Variants in KLHL13 observed in about 807,000 individuals in gnomAD.
KLHL13 encodes the protein kelch like family member 13.
KLHL13 carries 10 observed loss-of-function variants against 37.1 expected under a neutral mutation model. That is an observed-to-expected ratio of 0.27 (90% CI 0.17 to 0.46). The LOEUF (loss-of-function observed/expected upper bound fraction) is 0.46, where lower values mean the gene tolerates loss of function less well. Among genes scored for constraint, KLHL13 ranks in the 20% least tolerant of loss-of-function variants. KLHL13 has a pLI of 1.00. For missense variants in KLHL13, 360 were observed against 509.3 expected (o/e 0.71, Z 2.82); for synonymous variants, 163 against 181.2 (o/e 0.90, Z 0.81).
chrX:118,029,703 T>C (rs894938239), intron 1 of KLHL13, among the ~76,000 whole-genome samples: 8 of 112,344 alleles, frequency 7.1e-5, no homozygotes, highest in African/African-American at 2.6e-4. Context: ...GTGCAGTGGC[T>C]GATGCCTATA....
At chrX:118,083,966 G>C (rs2055026198) in intron 1 of KLHL13, among the ~76,000 whole-genome samples, 1 of 111,122 alleles carries the variant, frequency 9.0e-6, no homozygotes, top group Admixed American at 9.6e-5. Context: ...AGTACAAATG[G>C]AGAAATAATA....
intron 1 of KLHL13, among the ~76,000 whole-genome samples, chrX:118,048,737 G>A (rs1346369927): frequency 9.0e-6 from 1 of 111,189 alleles, no homozygotes; most frequent in Non-Finnish European, 1.9e-5. Context: ...AAAATATAAC[G>A]AGACAAGTAT....
At chrX:117,905,534 C>CACAG (rs1930454440) in intron 5 of KLHL13, among the ~76,000 whole-genome samples, 1 of 111,406 alleles carries the variant, frequency 9.0e-6, no homozygotes, top group African/African-American at 3.3e-5. Flanking sequence ...CACACACACA[C>CACAG]AGTCTTTTTT....
At chrX:117,979,952 G>A (rs916168791) in intron 1 of KLHL13, among the ~76,000 whole-genome samples, 2 of 111,988 alleles carry the variant, frequency 1.8e-5, no homozygotes, top group Non-Finnish European at 3.8e-5. Flanking sequence ...TAGCTTTTCT[G>A]ATTGAATCTG....
intron 1 of KLHL13, among the ~76,000 whole-genome samples, chrX:118,092,410 T>G (rs2079208429): frequency 9.0e-6 from 1 of 111,034 alleles, no homozygotes; most frequent in African/African-American, 3.3e-5. Context: ...ATTTTTCAAG[T>G]GCTGAAAGAT....
At chrX:118,072,496 A>C (rs1404518961) in intron 1 of KLHL13, among the ~76,000 whole-genome samples, 1 of 111,627 alleles carries the variant, frequency 9.0e-6, no homozygotes, top group Non-Finnish European at 1.9e-5. Flanking sequence ...TAATTCAACT[A>C]AAGAGCTTCT....
At chrX:118,111,753 G>A (rs753687373) in intron 1 of KLHL13, among the ~76,000 whole-genome samples, 11 of 112,037 alleles carry the variant, frequency 9.8e-5, no homozygotes, top group East Asian at 8.4e-4. Context: ...CTAGCCTGGC[G>A]TGGTGGCACG....
In KLHL13 at chrX:117,952,909, G is replaced by A. The variant is rs1303463913; in HGVS notation, c.99-7334C>T. 1.4e-3 allele frequency among the ~76,000 whole-genome samples: 150 copies of A among 109,304 alleles called. 2 individuals carry two copies. The highest frequency in any genetic ancestry group is 4.8e-3 in the African/African-American group (145 of 30,133). The allele number at this position is 109,304 out of a possible 115,157, so 94.9% of individuals were successfully genotyped here. A position where few individuals can be genotyped will look rare whatever the true frequency, so the allele number is the denominator to read the frequency against. ...TCATTAAAAAGTCAGGAAACAACAG[G>A]TGCTGGAGAGGATGTGGAGAAATAG... On this transcript the variant is annotated intron_variant, in intron 1 of 6. Coordinates refer to ENST00000262820, the Ensembl canonical transcript of KLHL13.
At chrX:117,972,707 A>G (rs754939129) in intron 1 of KLHL13, 9 of 1,164,426 alleles carry the variant, frequency 7.7e-6, no homozygotes, top group Admixed American at 2.2e-5. Flanking sequence ...ATCCCACTTT[A>G]ATATCCTATT....
chrX:117,994,234 CCTT>C (rs2147952516), intron 1 of KLHL13, among the ~76,000 whole-genome samples: 2 of 109,677 alleles, frequency 1.8e-5, no homozygotes, highest in East Asian at 5.8e-4. Flanking sequence ...TCCCCCTCTT[CCTT>C]CTTTCCTTCT....
chrX:117,947,664 G>A (rs1034816647), intron 1 of KLHL13: 2 of 111,962 alleles, frequency 1.8e-5, no homozygotes, highest in African/African-American at 6.5e-5. Context: ...GAAGAAGCCT[G>A]GACTAAAATT....
chrX:118,102,014 T>C (rs1476934194), intron 1 of KLHL13, among the ~76,000 whole-genome samples: 1 of 111,490 alleles, frequency 9.0e-6, no homozygotes, highest in Non-Finnish European at 1.9e-5. Context: ...CAAGTACAAA[T>C]GTGTGGTAAG....
At chrX:117,969,704 A>G (rs1255214151) in intron 1 of KLHL13, among the ~76,000 whole-genome samples, 1 of 112,044 alleles carries the variant, frequency 8.9e-6, no homozygotes, top group African/African-American at 3.2e-5. Flanking sequence ...ATCATCAATC[A>G]ATCTAGAGAC....
intron 1 of KLHL13, chrX:117,985,522 T>A: frequency 4.8e-6 from 1 of 210,521 alleles, no homozygotes; most frequent in Non-Finnish European, 7.0e-6. Context: ...GTTGAACTAT[T>A]TATATTTCAT....
intron 2 of KLHL13, among the ~76,000 whole-genome samples, chrX:117,927,030 C>G (rs776538553): frequency 1.8e-4 from 19 of 106,307 alleles, no homozygotes; most frequent in Non-Finnish European, 3.1e-4. Flanking sequence ...CTCAGCCTCC[C>G]GAGTAGCTGG....
chrX:118,069,627 G>A (rs768425526), intron 1 of KLHL13, among the ~76,000 whole-genome samples: 24 of 110,141 alleles, frequency 2.2e-4, no homozygotes, highest in African/African-American at 7.2e-4. Context: ...ATATATGTAC[G>A]GATATAAAAA....
rs899176203 is a variant in KLHL13, at chrX:118,025,973, T to C, written c.-55-80398A>G. 1.1e-4 allele frequency among the ~76,000 whole-genome samples: 12 copies of C among 111,828 alleles called. No homozygotes were observed. The East Asian group carries it at 1.1e-3, about 11-fold the overall frequency. ...TATGTTCTGATTGATGACAGTTGGA[T>C]TCGGTACTATCCTCAGTTTCAGGCA... On this transcript the variant is annotated intron_variant, in intron 1 of 6. Coordinates refer to the KLHL13 transcript ENST00000371882.
intron 1 of KLHL13, among the ~76,000 whole-genome samples, chrX:118,051,799 C>T (rs1306762514): frequency 1.8e-5 from 2 of 110,708 alleles, no homozygotes; most frequent in East Asian, 5.7e-4. Flanking sequence ...ACATTTTGTA[C>T]GTTGAATCTG....
intron 1 of KLHL13, among the ~76,000 whole-genome samples, chrX:118,030,517 C>A (rs900417262): frequency 9.0e-6 from 1 of 111,569 alleles, no homozygotes; most frequent in Non-Finnish European, 1.9e-5. Context: ...TGCAAATTTT[C>A]TCTTAATCTC....
Sources: gnomAD v4.1 joint callset for allele counts (sites outside exome capture counted in the v4.1 genomes callset) on GRCh38, gnomAD v4.1.1 for gene constraint, MANE v1.5 for transcripts, NCBI Gene and HGNC (gene_info 2026-07-23, HGNC 2026-07-21) for gene names.